RNF157: variants seen among roughly 807,000 people sequenced by gnomAD.
RNF157 encodes E3 ubiquitin ligase RNF157.
Under a neutral mutation model 88.3 loss-of-function variants are expected in RNF157, and 55 were observed. The ratio of observed to expected loss-of-function variants is 0.62; its 90% CI spans 0.50 to 0.78. The LOEUF (loss-of-function observed/expected upper bound fraction) is 0.78, where lower values mean the gene tolerates loss of function less well. RNF157 is among the 30% of genes least tolerant of loss of function. RNF157 has a pLI of 0.00. For missense variants in RNF157, 788 were observed against 860.8 expected (o/e 0.92, Z 1.06); for synonymous variants, 334 against 341.2 (o/e 0.98, Z 0.23).
At chr17:76,191,620 A>T (rs1338822453) in intron 2 of RNF157, among the ~76,000 whole-genome samples, 5 of 151,576 alleles carry the variant, frequency 3.3e-5, no homozygotes, top group Non-Finnish European at 7.4e-5. Context: ...AAAAAAAAAA[A>T]AACATTAGCC....
chr17:76,192,201 ACAG>A (rs1250198528), intron 2 of RNF157, among the ~76,000 whole-genome samples: 1 of 152,232 alleles, frequency 6.6e-6, no homozygotes, highest in East Asian at 1.9e-4. Context: ...ACTGAATACC[ACAG>A]CAGTTCTTTG....
At chr17:76,163,829 C>T (rs1274158899) in intron 8 of RNF157, 1 of 152,232 alleles carries the variant, frequency 6.6e-6, no homozygotes. Flanking sequence ...CCTGGCCTGC[C>T]CAGGTAGTGC....
chr17:76,153,010 A>G (rs1324629179), intron 17 of RNF157: 3 of 152,522 alleles, frequency 2.0e-5, no homozygotes, highest in Non-Finnish European at 4.4e-5. Context: ...ATGAGACCTG[A>G]GTTGTTATTT....
chr17:76,194,781 C>T (rs1229551210), intron 2 of RNF157, among the ~76,000 whole-genome samples: 1 of 152,038 alleles, frequency 6.6e-6, no homozygotes, highest in African/African-American at 2.4e-5. Context: ...TTTGGGAGGC[C>T]AAGGTGGGCA....
At chr17:76,168,254 TTC>T (rs1480293877) in intron 3 of RNF157, among the ~76,000 whole-genome samples, 2 of 152,152 alleles carry the variant, frequency 1.3e-5, no homozygotes, top group Non-Finnish European at 2.9e-5. Flanking sequence ...AAGGATTTCT[TTC>T]TCTTTCCTCA....
At chr17:76,189,791 G>A (rs979758174) in intron 2 of RNF157, among the ~76,000 whole-genome samples, 2 of 151,848 alleles carry the variant, frequency 1.3e-5, no homozygotes, top group African/African-American at 4.9e-5. Flanking sequence ...TGAGGTGAGG[G>A]TACTGCCCAG....
At chr17:76,208,712 C>T (rs1313539269) in intron 2 of RNF157, among the ~76,000 whole-genome samples, 1 of 152,132 alleles carries the variant, frequency 6.6e-6, no homozygotes, top group Non-Finnish European at 1.5e-5. Context: ...TGGCTCACAC[C>T]TGTAATCCCA....
chr17:76,175,236 C>T (rs1304927600), intron 2 of RNF157, among the ~76,000 whole-genome samples: 1 of 152,086 alleles, frequency 6.6e-6, no homozygotes, highest in Non-Finnish European at 1.5e-5. Context: ...TAATCAATTC[C>T]ATATTATTCA....
chr17:76,193,392 A>G (rs1193617587), intron 2 of RNF157, among the ~76,000 whole-genome samples: 4 of 152,256 alleles, frequency 2.6e-5, no homozygotes, highest in Non-Finnish European at 4.4e-5. Context: ...AATACAAGCA[A>G]TTAGGTAAGT....
chr17:76,145,606 TGA>T, intron 18 of RNF157: 1 of 422,618 alleles, frequency 2.4e-6, no homozygotes, highest in Non-Finnish European at 4.2e-6. Flanking sequence ...GGGAGGGACA[TGA>T]AAGATGTTCC....
intron 2 of RNF157, among the ~76,000 whole-genome samples, chr17:76,189,641 A>G (rs2069350047): frequency 6.6e-6 from 1 of 152,236 alleles, no homozygotes; most frequent in Admixed American, 6.5e-5. Context: ...TAAAACACGA[A>G]AAGGGGGCAC....
At chr17:76,182,770 T>TATATATATGAGAGAG (rs1481371953) in intron 2 of RNF157, among the ~76,000 whole-genome samples, 14 of 138,644 alleles carry the variant, frequency 1.0e-4, no homozygotes, top group African/African-American at 3.8e-4. Context: ...CATATATATA[T>TATATATATGAGAGAG]ATATATATAT....
chr17:76,158,753 C>G (rs1355370154), intron 12 of RNF157, among the ~76,000 whole-genome samples: 1 of 152,098 alleles, frequency 6.6e-6, no homozygotes, highest in Non-Finnish European at 1.5e-5. Flanking sequence ...TGGCTCGAAA[C>G]CCAAATCTTA....
chr17:76,167,108 G>A lies in RNF157; in HGVS notation c.462C>T (p.Asn154=). The change falls in exon 5 of 19, where the codon AAC becomes AAT. Residue 154 remains asparagine (N), a synonymous_variant. Transcript: ENST00000269391. ...ACTGCACAGTCTCCGACTGGAGGCT[G>A]TTGTCTTTGGGAATGTAGCTATTGA... is the stretch of plus-strand genomic sequence containing the variant. The part of the protein sequence containing the change: ...NGIASYIPKD[N]SLQSETVQYK... 14 of 1,612,176 alleles carry A rather than the reference G, an allele frequency of 8.7e-6. No individual in the cohort carries two copies. The highest frequency in any genetic ancestry group is 1.1e-5 in the Non-Finnish European group (13 of 1,179,516).
chr17:76,198,817 C>T (rs562501070), intron 2 of RNF157, among the ~76,000 whole-genome samples: 58 of 152,312 alleles, frequency 3.8e-4, no homozygotes, highest in Non-Finnish European at 5.9e-5. Flanking sequence ...ATACCAGGCC[C>T]CTTGGTCCAG....
At chr17:76,239,179 A>G (rs1396723088) in intron 1 of RNF157, among the ~76,000 whole-genome samples, 1 of 152,218 alleles carries the variant, frequency 6.6e-6, no homozygotes, top group Non-Finnish European at 1.5e-5. Context: ...AGTCTTGAGA[A>G]TAAAATTAAA....
chr17:76,170,534 T>C (rs2144869056), intron 3 of RNF157, among the ~76,000 whole-genome samples: 1 of 152,324 alleles, frequency 6.6e-6, no homozygotes, highest in African/African-American at 2.4e-5. Flanking sequence ...GAGAGTCATC[T>C]GCCTGCCTTT....
chr17:76,228,146 A>C lies in RNF157; in HGVS notation c.88+12007T>G, dbSNP rs142495727. ...ATATTCCATTTCCCCCCACTAATTT[A>C]AATTCTATTCTTATGCTAAATATAC... On this transcript the variant is annotated intron_variant, in intron 1 of 18. Coordinates refer to ENST00000269391, the MANE Select transcript of RNF157 (RefSeq NM_052916.3). Among the ~76,000 whole-genome samples, 262 of 152,274 alleles carry C rather than the reference A, an allele frequency of 1.7e-3. 2 individuals are homozygous for C. Among genetic ancestry groups the C allele is most frequent in the African/African-American group, 5.8e-3 (243 of 41,562 alleles).
chr17:76,189,391 G>C (rs887889928), intron 2 of RNF157, among the ~76,000 whole-genome samples: 2 of 152,182 alleles, frequency 1.3e-5, no homozygotes, highest in African/African-American at 4.8e-5. Context: ...CAGGATCTAT[G>C]AGCAGAAGGC....
Sources: allele counts gnomAD v4.1 joint callset (sites outside exome capture counted in the v4.1 genomes callset), GRCh38; gene constraint gnomAD v4.1.1; transcripts MANE v1.5; gene names NCBI Gene and HGNC (gene_info 2026-07-23, HGNC 2026-07-21).